The following RAB38 variants were observed in gnomAD, a reference collection of about 807,000 sequenced individuals.
RAB38 encodes the protein RAB38, member RAS oncogene family, also known as ras-related protein Rab-38.
Under a neutral mutation model 18.4 loss-of-function variants are expected in RAB38, and 15 were observed. That is an observed-to-expected ratio of 0.82 (90% CI 0.55 to 1.26). The LOEUF is 1.26. Ranked by LOEUF, RAB38 falls within the 50% of genes most tolerant of loss-of-function variation. The probability of loss-of-function intolerance (pLI) is 0.00; values close to 1 mark genes in which losing one functional copy is unlikely to be tolerated. For synonymous variants in RAB38, 101 were observed against 104.4 expected, an observed-to-expected ratio of 0.97 and a Z score of 0.20; for missense variants, 294 against 267.4, an observed-to-expected ratio of 1.10 and a Z score of -0.69.
chr11:87,939,946 A>T, the RAB38 span, among the ~76,000 whole-genome samples: 1 of 152,090 alleles, frequency 6.6e-6, no homozygotes, highest in Non-Finnish European at 1.5e-5. Context: ...GTTTCACCTT[A>T]ATAAACTAGA....
chr11:87,838,119 AT>A, the RAB38 span, among the ~76,000 whole-genome samples: 113 of 144,762 alleles, frequency 7.8e-4, no homozygotes, highest in African/African-American at 2.3e-3. Flanking sequence ...TTTTATTTTT[AT>A]TTTTTTTTTT....
At chr11:88,071,722 TA>T in the RAB38 span, among the ~76,000 whole-genome samples, 16 of 152,060 alleles carry the variant, frequency 1.1e-4, no homozygotes, top group Non-Finnish European at 2.2e-4. Flanking sequence ...TGATTGGTAA[TA>T]GGGGCAAGGG....
At chr11:88,065,629 C>T in the RAB38 span, among the ~76,000 whole-genome samples, 35 of 152,158 alleles carry the variant, frequency 2.3e-4, no homozygotes, top group Admixed American at 2.2e-3. Context: ...AATTATGGGA[C>T]GTATGTCCTC....
the RAB38 span, among the ~76,000 whole-genome samples, chr11:88,074,714 CCAG>C: frequency 1.3e-5 from 2 of 151,992 alleles, no homozygotes; most frequent in African/African-American, 4.8e-5. Context: ...ATCAATAATA[CCAG>C]TGAATCTAAA....
At chr11:88,035,483 A>G in the RAB38 span, among the ~76,000 whole-genome samples, 4 of 152,178 alleles carry the variant, frequency 2.6e-5, no homozygotes, top group Non-Finnish European at 5.9e-5. Context: ...GACTCACACA[A>G]TCACAAGGCG....
the RAB38 span, among the ~76,000 whole-genome samples, chr11:88,040,034 T>G: frequency 3.3e-5 from 5 of 152,202 alleles, no homozygotes; most frequent in African/African-American, 1.2e-4. Context: ...CTAGAAGCAG[T>G]TGCAGCTGTT....
chr11:88,010,658 T>C, the RAB38 span, among the ~76,000 whole-genome samples: 1 of 152,138 alleles, frequency 6.6e-6, no homozygotes, highest in African/African-American at 2.4e-5. Flanking sequence ...TTATTTTGGT[T>C]CAGTATTTTA....
the RAB38 span, among the ~76,000 whole-genome samples, chr11:87,827,152 C>G: frequency 6.6e-6 from 1 of 152,104 alleles, no homozygotes; most frequent in African/African-American, 2.4e-5. Context: ...AAGGAGTCAT[C>G]AGTCTTAACT....
chr11:87,876,248 A>T, the RAB38 span, among the ~76,000 whole-genome samples: 3 of 151,626 alleles, frequency 2.0e-5, no homozygotes, highest in African/African-American at 7.3e-5. Flanking sequence ...CATTCATGCC[A>T]ATGACTGAAC....
chr11:87,928,304 A>G, the RAB38 span, among the ~76,000 whole-genome samples: 4 of 152,032 alleles, frequency 2.6e-5, no homozygotes, highest in Admixed American at 6.6e-5. Context: ...TTATTCTAAG[A>G]TGAGTTATAT....
At chr11:87,893,419 C>G in the RAB38 span, among the ~76,000 whole-genome samples, 1 of 21,064 alleles carries the variant, frequency 4.7e-5, no homozygotes, top group Non-Finnish European at 1.1e-4. Flanking sequence ...ATTTGACTGG[C>G]TGAGCTTAGG....
At chr11:87,823,852 G>A in the RAB38 span, among the ~76,000 whole-genome samples, 1 of 152,078 alleles carries the variant, frequency 6.6e-6, no homozygotes, top group Admixed American at 6.6e-5. Flanking sequence ...AGAATATACA[G>A]AGTGAAAGAG....
At chr11:88,035,912 T>A in the RAB38 span, among the ~76,000 whole-genome samples, 1 of 152,144 alleles carries the variant, frequency 6.6e-6, no homozygotes, top group African/African-American at 2.4e-5. Flanking sequence ...TTGCCTTGAT[T>A]TCTCTCTAAT....
In RAB38 at chr11:88,117,324, T is replaced by C. The variant is rs376498946; in HGVS notation, c.484-3184A>G. ...TGTAAATAGCAAAAGCATAAAAAGG[T>C]TGGAAAGGGCATCAGGGTGCCAGAT... is the stretch of plus-strand genomic sequence containing the variant. On this transcript the variant is annotated intron_variant, in intron 2 of 2. Transcript: ENST00000243662. Among the ~76,000 whole-genome samples the C allele has an allele frequency of 3.3e-5, 5 of 152,284 alleles. No homozygotes were observed. In the East Asian group the frequency reaches 9.6e-4, roughly 29 times the overall value.
chr11:88,013,096 G>A, the RAB38 span, among the ~76,000 whole-genome samples: 1 of 152,102 alleles, frequency 6.6e-6, no homozygotes, highest in African/African-American at 2.4e-5. Context: ...TGTAGGGATA[G>A]TAATACATTA....
At chr11:87,907,087 A>T in the RAB38 span, among the ~76,000 whole-genome samples, 42 of 151,996 alleles carry the variant, frequency 2.8e-4, no homozygotes, top group Middle Eastern at 6.8e-3. Context: ...TACAACAAAG[A>T]TTGTTAGATT....
chr11:87,952,702 C>G, the RAB38 span, among the ~76,000 whole-genome samples: 1 of 152,026 alleles, frequency 6.6e-6, no homozygotes, highest in Non-Finnish European at 1.5e-5. Flanking sequence ...TTGTAGAGGC[C>G]AAGATCACCA....
chr11:87,807,777 A>G, the RAB38 span, among the ~76,000 whole-genome samples: 1 of 152,058 alleles, frequency 6.6e-6, no homozygotes, highest in Non-Finnish European at 1.5e-5. Context: ...GGAGTAATGT[A>G]TGGCTGGTGC....
chr11:87,959,205 C>G, the RAB38 span, among the ~76,000 whole-genome samples: 3 of 152,080 alleles, frequency 2.0e-5, no homozygotes, highest in Non-Finnish European at 4.4e-5. Context: ...AACATTCCGA[C>G]GCATTTAGGA....
Sources: gnomAD v4.1 joint callset for allele counts (sites outside exome capture counted in the v4.1 genomes callset) on GRCh38, gnomAD v4.1.1 for gene constraint, MANE v1.5 for transcripts, NCBI Gene and HGNC (gene_info 2026-07-23, HGNC 2026-07-21) for gene names.